DGUOK: variants seen among roughly 807,000 people sequenced by gnomAD.
DGUOK encodes the protein deoxyguanosine kinase.
A neutral mutation model predicts 36.6 loss-of-function variants in DGUOK; 30 were observed. The observed-to-expected ratio is 0.82, with a 90% CI of 0.61 to 1.11. DGUOK has a LOEUF of 1.11. DGUOK is among the 50% of genes most tolerant of loss of function. The pLI, the probability that DGUOK is intolerant of heterozygous loss-of-function variation, is 0.00. For synonymous variants in DGUOK, 145 were observed against 126.3 expected (o/e 1.15, Z -0.99); for missense variants, 361 against 336.4 (o/e 1.07, Z -0.57).
chr2:73,935,794 T>G (rs1573518543), intron 1 of DGUOK, among the ~76,000 whole-genome samples: 1 of 152,240 alleles, frequency 6.6e-6, no homozygotes. Context: ...GAATGGGGCA[T>G]GGGTTACAGA....
rs376946969 is a variant in DGUOK, at chr2:73,949,056, A to G, written c.444-1529A>G. Reference sequence around the variant, plus strand: ...AACCTCCGCCTCCTGGGTTCAAGCAATTCTTGTGCCTCAGTCTCCTGAGTA... The same window carrying G: ...AACCTCCGCCTCCTGGGTTCAAGCAGTTCTTGTGCCTCAGTCTCCTGAGTA... On this transcript the variant is annotated intron_variant, in intron 3 of 6. Coordinates refer to ENST00000264093, the MANE Select transcript of DGUOK (RefSeq NM_080916.3). Among the ~76,000 whole-genome samples the G allele has an allele frequency of 1.1e-4, 16 of 152,230 alleles. No homozygotes were observed. The East Asian group carries it at 2.7e-3, about 26-fold the overall frequency.
At chr2:73,935,871 T>C (rs185631227) in intron 1 of DGUOK, among the ~76,000 whole-genome samples, 3 of 152,360 alleles carry the variant, frequency 2.0e-5, no homozygotes, top group African/African-American at 7.2e-5. Context: ...ACATCTAATT[T>C]GTTGGCATTC....
At chr2:73,929,994 T>C (rs757840676) in intron 1 of DGUOK, among the ~76,000 whole-genome samples, 5 of 152,044 alleles carry the variant, frequency 3.3e-5, no homozygotes, top group Non-Finnish European at 5.9e-5. Flanking sequence ...AGGAGGAAAA[T>C]TGGTAAATCG....
At chr2:73,930,627 T>G (rs1479240158) in intron 1 of DGUOK, among the ~76,000 whole-genome samples, 3 of 152,152 alleles carry the variant, frequency 2.0e-5, no homozygotes, top group Non-Finnish European at 2.9e-5. Context: ...ATTTCTCTGC[T>G]TCTTCCTTGC....
intron 3 of DGUOK, among the ~76,000 whole-genome samples, chr2:73,948,443 G>A (rs1682489030): frequency 1.3e-5 from 2 of 152,216 alleles, no homozygotes; most frequent in African/African-American, 4.8e-5. Context: ...GGGCATTTTC[G>A]AGACAGAAAG....
At chr2:73,954,712 T>G (rs757545420) in intron 4 of DGUOK, among the ~76,000 whole-genome samples, 5 of 152,094 alleles carry the variant, frequency 3.3e-5, no homozygotes, top group Non-Finnish European at 7.4e-5. Flanking sequence ...GGGTTTGGGC[T>G]TGAGAGGCAT....
Position 73,926,901 on chromosome 2 carries a change from C to G in DGUOK, c.-10C>G, listed in dbSNP as rs1210425272. On this transcript the variant is annotated 5_prime_UTR_variant, in exon 1 of 7. It adds an upstream start codon to the 5' untranslated region. Transcript: ENST00000264093. ...CGGCGGAAGTGATCGCTGTGTGAAT[C>G]GTGGGTGGGATGGCCGCGGGCCGCC... 6.2e-7 allele frequency: 1 copy of G among 1,613,342 alleles called. No homozygotes were observed. The highest frequency in any genetic ancestry group is 8.5e-7 in the Non-Finnish European group (1 of 1,180,028).
chr2:73,957,508 T>C (rs536353877), intron 5 of DGUOK, among the ~76,000 whole-genome samples: 1 of 152,222 alleles, frequency 6.6e-6, no homozygotes, highest in Admixed American at 6.5e-5. Flanking sequence ...ACCCTGTCTC[T>C]ACTAAAAATA....
In DGUOK at chr2:73,926,941, C is replaced by T; in HGVS notation, c.31C>T (p.Leu11Phe). The T allele has an allele frequency of 1.2e-6, 2 of 1,613,562 alleles. No homozygotes were observed. The highest frequency in any genetic ancestry group is 1.1e-5 in the South Asian group (1 of 91,082). The part of the protein sequence containing the change: MAAGRLFLSR[L>F]RAPFSSMAKS... The stretch of plus-strand genomic sequence containing the variant: ...CGCGGGCCGCCTCTTTCTAAGTCGG[C>T]TTCGAGCACCCTTCAGTTCCATGGC... The change falls in exon 1 of 7, where the codon CTT becomes TTT. Residue 11 changes from leucine (L) to phenylalanine (F), a missense_variant. By Grantham distance (22) the Leu-to-Phe change is conservative. Coordinates refer to ENST00000264093, the MANE Select transcript of DGUOK (RefSeq NM_080916.3).
At position 73,928,161 on chromosome 2, in the gene DGUOK, C is replaced by T. The variant is rs553370010; in HGVS notation, c.142+1109C>T. 2.0e-5 allele frequency among the ~76,000 whole-genome samples: 3 copies of T among 152,274 alleles called. No individual in the cohort carries two copies. In the East Asian group the frequency reaches 5.8e-4, roughly 29 times the overall value. Reference sequence around the variant, plus strand: ...ATTTTATTTGAGATGGAGTTTTGCTCTTGTTACCCAGGCTGGAGTGCAATG... The same window carrying T: ...ATTTTATTTGAGATGGAGTTTTGCTTTTGTTACCCAGGCTGGAGTGCAATG... On this transcript the variant is annotated intron_variant, in intron 1 of 6. Transcript: ENST00000264093.
At position 73,953,812 on chromosome 2, in the gene DGUOK, G is replaced by A. The variant is rs547424345; in HGVS notation, c.591+3080G>A. Among the ~76,000 whole-genome samples, 49 of 137,834 alleles carry A rather than the reference G, an allele frequency of 3.6e-4. No homozygotes were observed. In the East Asian group the frequency reaches 5.9e-3, roughly 17 times the overall value. 90.4% of individuals were successfully genotyped at this position (137,834 alleles called of 152,430 possible). On this transcript the variant is annotated intron_variant, in intron 4 of 6. Transcript: ENST00000264093. ...CTGCTCACTGCAAGCTCCGCCTCCCGGGTTCACAGCATTCTCCTGCCTCAG... is the reference window on the plus strand; with the variant it reads ...CTGCTCACTGCAAGCTCCGCCTCCCAGGTTCACAGCATTCTCCTGCCTCAG...
At chr2:73,933,469 A>G (rs890965458) in intron 1 of DGUOK, among the ~76,000 whole-genome samples, 1 of 152,182 alleles carries the variant, frequency 6.6e-6, no homozygotes, top group Admixed American at 6.5e-5. Context: ...GAGTTCAAGG[A>G]GGCTTCACAG....
At chr2:73,947,343 TAA>T (rs1421709943) in intron 3 of DGUOK, among the ~76,000 whole-genome samples, 5 of 152,230 alleles carry the variant, frequency 3.3e-5, no homozygotes, top group Non-Finnish European at 2.9e-5. Context: ...GAAAATGATA[TAA>T]GAGATATTTT....
chr2:73,939,344 G>A (rs773977481), intron 2 of DGUOK, among the ~76,000 whole-genome samples: 1 of 152,144 alleles, frequency 6.6e-6, no homozygotes, highest in Non-Finnish European at 1.5e-5. Flanking sequence ...TATTACTTAA[G>A]CTAACCACTA....
In DGUOK at chr2:73,938,966, G is replaced by A. The variant is rs62641679; in HGVS notation, c.199G>A (p.Val67Ile). Residue 67 changes from valine to isoleucine, a missense_variant, in exon 2 of 7, where the codon GTA becomes ATA. Coordinates refer to ENST00000264093, the MANE Select transcript of DGUOK (RefSeq NM_080916.3). ...LLTKTYPEWH[V>I]ATEPVATWQN... ...CACGAAAACTTACCCAGAATGGCAC[G>A]TAGCTACAGAACCTGTAGCAACATG... is the stretch of plus-strand genomic sequence containing the variant. 110 of 1,614,072 alleles carry A rather than the reference G, an allele frequency of 6.8e-5. No homozygotes were observed. In the African/African-American group the frequency reaches 1.3e-3, roughly 19 times the overall value.
rs369681767 is a variant in DGUOK at position 73,926,903 on chromosome 2, T to C, written c.-8T>C. On this transcript the variant is annotated 5_prime_UTR_variant, in exon 1 of 7. Coordinates refer to ENST00000264093, the MANE Select transcript of DGUOK (RefSeq NM_080916.3). The stretch of plus-strand genomic sequence containing the variant: ...GCGGAAGTGATCGCTGTGTGAATCG[T>C]GGGTGGGATGGCCGCGGGCCGCCTC... The C allele has an allele frequency of 1.3e-4, 202 of 1,613,194 alleles. No individual in the cohort carries two copies. Among genetic ancestry groups the C allele is most frequent in the Non-Finnish European group, 1.6e-4 (191 of 1,180,000 alleles).
intron 1 of DGUOK, among the ~76,000 whole-genome samples, chr2:73,936,804 G>C (rs831528): frequency 0.69 from 105,003 of 152,088 alleles, 36,472 homozygotes; most frequent in African/African-American, 0.71. Context: ...GCCCCATCCT[G>C]TAGCTGGAGA....
chr2:73,932,575 G>A (rs1292935737), intron 1 of DGUOK: 1 of 1,276,296 alleles, frequency 7.8e-7, no homozygotes, highest in East Asian at 5.5e-5. Flanking sequence ...TAAATCAAGA[G>A]TGATCATCTT....
At chr2:73,946,070 A>AAAAG (rs56231941) in intron 2 of DGUOK, among the ~76,000 whole-genome samples, 18,975 of 142,868 alleles carry the variant, frequency 0.13, 2,599 homozygotes, top group African/African-American at 0.33. Flanking sequence ...AAAAAAAAAA[A>AAAAG]AATCCGGGGC....
Sources: allele counts gnomAD v4.1 joint callset (sites outside exome capture counted in the v4.1 genomes callset), GRCh38; gene constraint gnomAD v4.1.1; transcripts MANE v1.5; gene names NCBI Gene and HGNC (gene_info 2026-07-23, HGNC 2026-07-21).